Variants in MAP4K5 observed in about 807,000 individuals in gnomAD.
The protein encoded by MAP4K5 is MAPK/ERK kinase kinase kinase 5.
Under a neutral mutation model 135.6 loss-of-function variants are expected in MAP4K5, and 82 were observed. The observed-to-expected ratio is 0.60, with a 90% confidence interval of 0.51 to 0.73. MAP4K5 has a LOEUF of 0.73. Ranked by LOEUF, MAP4K5 falls within the 30% of genes least tolerant of loss-of-function variation. MAP4K5 has a pLI of 0.00. For missense variants in MAP4K5, 907 were observed against 1,010.9 expected, an observed-to-expected ratio of 0.90 and a Z score of 1.39; for synonymous variants, 347 against 335.0, an observed-to-expected ratio of 1.04 and a Z score of -0.39.
Position 50,436,485 on chromosome 14 carries a change from C to A in MAP4K5, c.1882+991G>T, listed in dbSNP as rs564985501. Among the ~76,000 whole-genome samples, 22 of 151,644 alleles carry A rather than the reference C, an allele frequency of 1.5e-4. 1 individual carries two copies. The South Asian group carries it at 4.2e-3, about 29-fold the overall frequency. On this transcript the variant is annotated intron_variant, in intron 26 of 32. Coordinates refer to ENST00000682126, the MANE Select transcript of MAP4K5 (RefSeq NM_006575.6). Reference sequence around the variant, plus strand: ...GTGATTTTGGGTGGGGGCTTTGGGTCATGTAACATCAGATGACCTTTAGTG... The same window carrying A: ...GTGATTTTGGGTGGGGGCTTTGGGTAATGTAACATCAGATGACCTTTAGTG...
chr14:50,446,679 T>C (rs2036360130), intron 16 of MAP4K5, among the ~76,000 whole-genome samples: 1 of 152,180 alleles, frequency 6.6e-6, no homozygotes, highest in Non-Finnish European at 1.5e-5. Flanking sequence ...CCAAAGACTG[T>C]ATTCTATACC....
intron 12 of MAP4K5, among the ~76,000 whole-genome samples, 142 bp downstream of exon 12, chr14:50,463,891 CAAAAAAAAAAAAAAAAAAA>C (rs56877870): frequency 2.8e-5 from 2 of 70,398 alleles, no homozygotes; most frequent in African/African-American, 6.0e-5. Context: ...ACCCTGTTTC[CAAAAAAAAAAAAAAAAAAA>C]AAAAAAAAAA....
intron 2 of MAP4K5, among the ~76,000 whole-genome samples, chr14:50,518,711 G>A (rs1271501609): frequency 6.6e-6 from 1 of 152,138 alleles, no homozygotes; most frequent in African/African-American, 2.4e-5. Flanking sequence ...AATCTATTAG[G>A]ATACTCATCT....
At chr14:50,554,988 G>A (rs1044797164) in intron 1 of MAP4K5, among the ~76,000 whole-genome samples, 6 of 152,058 alleles carry the variant, frequency 3.9e-5, no homozygotes, top group East Asian at 3.9e-4. Flanking sequence ...TCCCTTCTTC[G>A]TTTAGTATTA....
chr14:50,507,458 C>A (rs1308554258), intron 2 of MAP4K5, among the ~76,000 whole-genome samples: 1 of 152,222 alleles, frequency 6.6e-6, no homozygotes, highest in Non-Finnish European at 1.5e-5. Context: ...AACTTTAGAT[C>A]TTTCCTGCTT....
In MAP4K5 at chr14:50,485,628, C is replaced by G; in HGVS notation, c.272G>C (p.Trp91Ser). Reference sequence around the variant, plus strand: ...GCCACCACAGTATTCCATACAAATCCATAGTTTTTCCCGACTAATACAAAA... The same window carrying G: ...GCCACCACAGTATTCCATACAAATCGATAGTTTTTCCCGACTAATACAAAA... ...FGSYLSREKLWICMEYCGGGS... is the reference protein window; with the variant it reads ...FGSYLSREKLSICMEYCGGGS... The change falls in exon 5 of 33, where the codon TGG becomes TCG. Residue 91 changes from tryptophan to serine, a missense_variant. Physicochemically the swap from Trp to Ser is radical, Grantham distance 177. Around this residue, in one of 3 missense-constraint regions of MAP4K5, gnomAD observed 196 missense variants for 189.3 expected, o/e 1.04. Transcript: ENST00000682126. The G allele has an allele frequency of 6.5e-7, 1 of 1,544,566 alleles. No homozygotes were observed. Among genetic ancestry groups the G allele is most frequent in the Non-Finnish European group, 8.8e-7 (1 of 1,140,638 alleles).
At chr14:50,555,574 G>A (rs571179103) in intron 1 of MAP4K5, among the ~76,000 whole-genome samples, 80 of 152,272 alleles carry the variant, frequency 5.3e-4, no homozygotes, top group African/African-American at 1.7e-3. Context: ...ATGAGCCACC[G>A]TGGCCAGCCA....
intron 2 of MAP4K5, among the ~76,000 whole-genome samples, chr14:50,540,227 G>A (rs2038543848): frequency 6.6e-6 from 1 of 152,180 alleles, no homozygotes; most frequent in African/African-American, 2.4e-5. Context: ...GCAAGGATAG[G>A]TGGTGCTATC....
In MAP4K5 at chr14:50,532,118, G is replaced by C; in HGVS notation, c.-69C>G. The stretch of plus-strand genomic sequence containing the variant: ...CGGATTCCCGCTAACAAGCACGAAC[G>C]GCGCCGCTTCCCAACATGGAGCCTC... On this transcript the variant is annotated 5_prime_UTR_variant, in exon 2 of 33. Transcript: ENST00000682126. The C allele has an allele frequency of 1.0e-6, 1 of 979,452 alleles. No homozygotes were observed. Among genetic ancestry groups the C allele is most frequent in the Non-Finnish European group, 1.5e-6 (1 of 652,680 alleles). 60.7% of individuals were successfully genotyped at this position (979,452 alleles called of 1,614,324 possible). A position where few individuals can be genotyped will look rare whatever the true frequency, so the allele number is the denominator to read the frequency against.
chr14:50,469,260 GGCT>G (rs763474921), intron 9 of MAP4K5, among the ~76,000 whole-genome samples: 14 of 152,120 alleles, frequency 9.2e-5, no homozygotes, highest in Non-Finnish European at 1.6e-4. Flanking sequence ...ATACATTGCT[GGCT>G]ACCAGTCTGT....
intron 3 of MAP4K5, among the ~76,000 whole-genome samples, chr14:50,494,151 A>ATAT (rs1049468937): frequency 5.9e-5 from 9 of 151,464 alleles, no homozygotes; most frequent in African/African-American, 2.2e-4. Context: ...GAAAAATTTA[A>ATAT]TATTATTATT....
intron 2 of MAP4K5, among the ~76,000 whole-genome samples, chr14:50,508,723 A>G (rs1037499559): frequency 6.6e-6 from 1 of 151,768 alleles, no homozygotes; most frequent in African/African-American, 2.4e-5. Context: ...AAAAAAAAAA[A>G]GGCAACAACA....
intron 12 of MAP4K5, 31 bp from the exon 13 acceptor site, chr14:50,462,812 T>A (rs367882794): frequency 2.5e-5 from 32 of 1,277,148 alleles, no homozygotes; most frequent in Non-Finnish European, 3.2e-5. Context: ...ATTTCATGAG[T>A]ATGCCTTTAC....
chr14:50,541,017 G>A (rs1307818322), intron 2 of MAP4K5, among the ~76,000 whole-genome samples: 1 of 152,220 alleles, frequency 6.6e-6, no homozygotes, highest in East Asian at 1.9e-4. Context: ...CATAGTTGTG[G>A]TTCCACATAT....
chr14:50,441,676 G>GACT (rs2036228662), intron 21 of MAP4K5, among the ~76,000 whole-genome samples: 1 of 151,050 alleles, frequency 6.6e-6, no homozygotes, highest in Non-Finnish European at 1.5e-5. Context: ...ACTGAACTAT[G>GACT]ACTGCACTAC....
At chr14:50,528,953 T>C (rs956350263) in intron 2 of MAP4K5, among the ~76,000 whole-genome samples, 1 of 152,160 alleles carries the variant, frequency 6.6e-6, no homozygotes, top group East Asian at 1.9e-4. Context: ...AAGGAGTAAA[T>C]TTAAACTGAC....
upstream of MAP4K5, among the ~76,000 whole-genome samples, chr14:50,534,181 T>C (rs1353653897): frequency 1.3e-5 from 2 of 152,250 alleles, no homozygotes; most frequent in Non-Finnish European, 2.9e-5. Context: ...AATATATTTA[T>C]TCTTACATGT....
At chr14:50,482,701 C>T (rs1351550519) in intron 5 of MAP4K5, 5 of 241,432 alleles carry the variant, frequency 2.1e-5, no homozygotes, top group East Asian at 2.4e-4. Flanking sequence ...TGCTTGAACC[C>T]GGGAGGCAGG....
intron 2 of MAP4K5, among the ~76,000 whole-genome samples, chr14:50,519,980 T>C (rs2038113862): frequency 6.6e-6 from 1 of 152,214 alleles, no homozygotes; most frequent in Non-Finnish European, 1.5e-5. Context: ...CTTTCTGATT[T>C]GGATACATGA....
Sources: gnomAD v4.1 joint callset for allele counts (sites outside exome capture counted in the v4.1 genomes callset) on GRCh38, gnomAD v4.1.1 for gene constraint, gnomAD v4.1.1 regional missense constraint, MANE v1.5 for transcripts, NCBI Gene and HGNC (gene_info 2026-07-23, HGNC 2026-07-21) for gene names.